The following MTPAP variants were observed in gnomAD, a reference collection of about 807,000 sequenced individuals.
The protein encoded by MTPAP is poly(A) RNA polymerase, mitochondrial.
A neutral mutation model predicts 48.7 loss-of-function variants in MTPAP; 23 were observed. The observed-to-expected ratio is 0.47, with a 90% CI of 0.34 to 0.67. The LOEUF (loss-of-function observed/expected upper bound fraction) is 0.67, where lower values mean the gene tolerates loss of function less well. MTPAP is among the 30% of genes least tolerant of loss of function. MTPAP has a pLI of 0.01. For missense variants in MTPAP, 614 were observed against 694.3 expected, an observed-to-expected ratio of 0.88 and a Z score of 1.30; for synonymous variants, 257 against 254.1, an observed-to-expected ratio of 1.01 and a Z score of -0.11.
At chr10:30,338,318 T>TTAACA (rs748349836) in intron 3 of MTPAP, among the ~76,000 whole-genome samples, 37 of 123,042 alleles carry the variant, frequency 3.0e-4, no homozygotes, top group Non-Finnish European at 6.5e-4. Flanking sequence ...CAACATAACA[T>TTAACA]TAACATAACA....
At chr10:30,320,005 A>C (rs922833816) in intron 6 of MTPAP, among the ~76,000 whole-genome samples, 25 of 152,364 alleles carry the variant, frequency 1.6e-4, no homozygotes, top group African/African-American at 6.0e-4. Flanking sequence ...GGTCATTTAA[A>C]ATCCCAGCAC....
intron 1 of MTPAP, among the ~76,000 whole-genome samples, chr10:30,342,133 G>A (rs112484460): frequency 6.6e-6 from 1 of 152,200 alleles, no homozygotes; most frequent in African/African-American, 2.4e-5. Context: ...CTACTTGGGA[G>A]GCTGAAACAG....
rs541391892 is a variant in MTPAP at position 30,319,807 on chromosome 10, T to C, written c.1219+2584A>G. ...AATGTGCTATATGCCGAGAAGCAATTGCAAAAACTAGCCTGAAAAATTCTC... is the reference window on the plus strand; with the variant it reads ...AATGTGCTATATGCCGAGAAGCAATCGCAAAAACTAGCCTGAAAAATTCTC... On this transcript the variant is annotated intron_variant, in intron 6 of 8. Coordinates refer to ENST00000263063, the MANE Select transcript of MTPAP (RefSeq NM_018109.4). 1.9e-3 allele frequency among the ~76,000 whole-genome samples: 292 copies of C among 152,344 alleles called. 1 individual carries two copies. The highest frequency in any genetic ancestry group is 6.6e-3 in the African/African-American group (273 of 41,592).
chr10:30,332,123 G>T (rs1317290076), intron 4 of MTPAP, among the ~76,000 whole-genome samples: 2 of 152,210 alleles, frequency 1.3e-5, no homozygotes, highest in Non-Finnish European at 2.9e-5. Context: ...TGAATCTGAT[G>T]AATGTAAGAG....
Position 30,326,280 on chromosome 10 carries a change from T to C in MTPAP, c.992+144A>G, listed in dbSNP as rs1232439506. On this transcript the variant is annotated intron_variant, in intron 5 of 8. Coordinates refer to ENST00000263063, the MANE Select transcript of MTPAP (RefSeq NM_018109.4). ...GTATAACGTAAGAGAAAAGATTACT[T>C]ACTTTTCAATCCAAGTGATAAATTT... 4.1e-6 allele frequency: 3 copies of C among 736,004 alleles called. No homozygotes were observed. The African/African-American group carries it at 5.4e-5, about 13-fold the overall frequency. 45.6% of individuals were successfully genotyped at this position (736,004 alleles called of 1,614,324 possible). A position where few individuals can be genotyped will look rare whatever the true frequency, so the allele number is the denominator to read the frequency against.
chr10:30,338,172 G>A (rs1436120156), intron 3 of MTPAP, among the ~76,000 whole-genome samples: 1 of 152,030 alleles, frequency 6.6e-6, no homozygotes, highest in Non-Finnish European at 1.5e-5. Context: ...GCTGAGGTGG[G>A]TCACTTGAGT....
chr10:30,332,305 G>A (rs1301909423), intron 4 of MTPAP, among the ~76,000 whole-genome samples: 1 of 152,122 alleles, frequency 6.6e-6, no homozygotes, highest in African/African-American at 2.4e-5. Flanking sequence ...TTATTTCTGT[G>A]TATGTATGAC....
In MTPAP at chr10:30,320,090, C is replaced by T. The variant is rs535945730; in HGVS notation, c.1219+2301G>A. On this transcript the variant is annotated intron_variant, in intron 6 of 8. Transcript: ENST00000263063. The stretch of plus-strand genomic sequence containing the variant: ...TGGGCAATATAGTAAGACACCATGT[C>T]TACAAAAAGTTTTTTAAAAAATTAG... Among the ~76,000 whole-genome samples, 22 of 152,196 alleles carry T rather than the reference C, an allele frequency of 1.4e-4. 1 individual carries two copies. The South Asian group carries it at 4.3e-3, about 30-fold the overall frequency.
At chr10:30,342,058 A>C (rs1018786792) in intron 1 of MTPAP, among the ~76,000 whole-genome samples, 14 of 152,098 alleles carry the variant, frequency 9.2e-5, no homozygotes. Flanking sequence ...GACCATGGTG[A>C]AACCTCATCT....
At chr10:30,347,969 A>G (rs534639848) in intron 1 of MTPAP, among the ~76,000 whole-genome samples, 1 of 151,882 alleles carries the variant, frequency 6.6e-6, no homozygotes, top group South Asian at 2.1e-4. Flanking sequence ...TACTCAAGCT[A>G]CCCTTGGACT....
chr10:30,333,565 C>T (rs548846106), intron 4 of MTPAP, among the ~76,000 whole-genome samples: 11 of 152,284 alleles, frequency 7.2e-5, no homozygotes, highest in East Asian at 3.9e-4. Context: ...AATTTAAGTG[C>T]CACTGCCAGG....
At chr10:30,329,280 G>T (rs1055930683) in intron 4 of MTPAP, among the ~76,000 whole-genome samples, 2 of 151,776 alleles carry the variant, frequency 1.3e-5, no homozygotes, top group African/African-American at 4.8e-5. Context: ...CCAGGCTGAA[G>T]TGCAGTGGTG....
chr10:30,326,551 C>G lies in MTPAP; in HGVS notation c.865G>C (p.Gly289Arg), dbSNP rs1394045146. 1 of 1,614,136 alleles carries G rather than the reference C, an allele frequency of 6.2e-7. No homozygotes were observed. The highest frequency in any genetic ancestry group is 8.5e-7 in the Non-Finnish European group (1 of 1,179,978). ...IATQKILSVL[G>R]ECLDHFGPGC... is the part of the protein sequence containing the mutation. ...GGGCCAAAGTGGTCAAGGCACTCTCCTAACACAGACAGGATCTTCTGAGTT... is the reference window on the plus strand; with the variant it reads ...GGGCCAAAGTGGTCAAGGCACTCTCGTAACACAGACAGGATCTTCTGAGTT... Residue 289 changes from glycine to arginine, a missense_variant, in exon 5 of 9, where the codon GGA (glycine) becomes CGA (arginine). Coordinates refer to ENST00000263063, the MANE Select transcript of MTPAP (RefSeq NM_018109.4).
At chr10:30,331,954 A>G (rs1834672927) in intron 4 of MTPAP, among the ~76,000 whole-genome samples, 2 of 152,244 alleles carry the variant, frequency 1.3e-5, no homozygotes, top group Admixed American at 6.5e-5. Context: ...GACATGCAAA[A>G]AAGTCTAACA....
At chr10:30,323,562 C>A (rs1036925340) in intron 5 of MTPAP, among the ~76,000 whole-genome samples, 3 of 152,040 alleles carry the variant, frequency 2.0e-5, no homozygotes, top group African/African-American at 7.2e-5. Flanking sequence ...CAGGCTAGAG[C>A]GCAATGGCGC....
intron 2 of MTPAP, 48 bp from the exon 3 acceptor site, chr10:30,340,498 T>A: frequency 1.6e-6 from 2 of 1,255,236 alleles, no homozygotes; most frequent in Non-Finnish European, 2.3e-6. Flanking sequence ...ACGATATATC[T>A]AACATACTAT....
chr10:30,336,852 A>G lies in MTPAP; in HGVS notation c.731T>C (p.Leu244Ser). ...TTCATCTAGATCCAAAAACATGTCC[A>G]AATCACATCCTAACTTCCCAAAAGT... Reference protein sequence around the residue: ...VNTFGKLGCDLDMFLDLDETR... With the variant: ...VNTFGKLGCDSDMFLDLDETR... Residue 244 changes from leucine (L) to serine (S), a missense_variant, in exon 4 of 9, where the codon TTG (leucine) becomes TCG (serine). This residue lies in a region of MTPAP where 261 missense variants were observed against 355.4 expected (regional missense o/e 0.73). Coordinates refer to ENST00000263063, the MANE Select transcript of MTPAP (RefSeq NM_018109.4). 1 of 1,612,640 alleles carries G rather than the reference A, an allele frequency of 6.2e-7. No homozygotes were observed. The highest frequency in any genetic ancestry group is 2.2e-5 in the East Asian group (1 of 44,882).
Position 30,322,399 on chromosome 10 carries a change from G to C in MTPAP, c.1211C>G (p.Thr404Ser). The C allele has an allele frequency of 6.2e-7, 1 of 1,602,496 alleles. No individual in the cohort carries two copies. Among genetic ancestry groups the C allele is most frequent in the Non-Finnish European group, 8.6e-7 (1 of 1,169,520 alleles). The part of the protein sequence containing the change: ...PILPTLDSLK[T>S]LADAEDKCVI... ...TTTCTTTCTAGTCTTACCTGCTAGG[G>C]TTTTTAAGGAATCTAGTGTTGGAAG... Residue 404 changes from threonine to serine, a missense_variant, in exon 6 of 9, where the codon ACC becomes AGC. Physicochemically the swap from Thr to Ser is moderately conservative, Grantham distance 58. Transcript: ENST00000263063.
At chr10:30,339,397 G>C (rs2254837) in intron 3 of MTPAP, among the ~76,000 whole-genome samples, 93,686 of 149,182 alleles carry the variant, frequency 0.63, 34,330 homozygotes, top group Non-Finnish European at 0.83. Flanking sequence ...TGAGGCATGA[G>C]AATTGCTTGA....
Sources: gnomAD v4.1 joint callset for allele counts (sites outside exome capture counted in the v4.1 genomes callset) on GRCh38, gnomAD v4.1.1 for gene constraint, gnomAD v4.1.1 regional missense constraint, MANE v1.5 for transcripts, NCBI Gene and HGNC (gene_info 2026-07-23, HGNC 2026-07-21) for gene names.